The following AFF2 variants were observed in gnomAD, a reference collection of about 807,000 sequenced individuals.
The protein encoded by AFF2 is ALF transcription elongation factor 2.
AFF2 carries 14 observed loss-of-function variants against 76.9 expected under a neutral mutation model. The observed-to-expected ratio is 0.18, with a 90% CI of 0.12 to 0.28. The LOEUF (loss-of-function observed/expected upper bound fraction) is 0.28. Among genes scored for constraint, AFF2 ranks in the 10% least tolerant of loss-of-function variants. The pLI is 1.00. For synonymous variants in AFF2, 398 were observed against 366.7 expected, an observed-to-expected ratio of 1.09 and a Z score of -0.98; for missense variants, 868 against 1,001.1, an observed-to-expected ratio of 0.87 and a Z score of 1.79.
chrX:148,596,602 T>C (rs1468623881), intron 1 of AFF2, among the ~76,000 whole-genome samples: 3 of 112,295 alleles, frequency 2.7e-5, no homozygotes, highest in Non-Finnish European at 5.6e-5. Context: ...GCCTCACTTT[T>C]TAGTATTTCA....
chrX:148,716,891 A>T (rs181061055), intron 3 of AFF2, among the ~76,000 whole-genome samples: 1 of 111,804 alleles, frequency 8.9e-6, no homozygotes, highest in East Asian at 2.8e-4. Flanking sequence ...GCCCATGTGG[A>T]GGTTATATTT....
intron 13 of AFF2, among the ~76,000 whole-genome samples, chrX:148,966,221 C>T (rs150574197): frequency 3.2e-4 from 36 of 111,636 alleles, no homozygotes; most frequent in African/African-American, 1.1e-3. Flanking sequence ...AACAAAAGGG[C>T]GGCTTCAACC....
intron 3 of AFF2, among the ~76,000 whole-genome samples, chrX:148,711,954 C>A (rs1161042314): frequency 9.0e-6 from 1 of 111,711 alleles, no homozygotes; most frequent in Non-Finnish European, 1.9e-5. Flanking sequence ...TCACTCACTC[C>A]CTGCTTCATC....
chrX:148,812,640 C>T (rs7054715), intron 4 of AFF2, among the ~76,000 whole-genome samples: 6 of 111,099 alleles, frequency 5.4e-5, no homozygotes, highest in African/African-American at 2.0e-4. Context: ...TTTTTCCCTC[C>T]ACAGCCTGGC....
intron 1 of AFF2, among the ~76,000 whole-genome samples, chrX:148,595,884 A>T (rs1418052327): frequency 8.9e-6 from 1 of 111,868 alleles, no homozygotes; most frequent in Non-Finnish European, 1.9e-5. Flanking sequence ...ATAGCAATCC[A>T]GTGTGTTTTT....
intron 1 of AFF2, among the ~76,000 whole-genome samples, chrX:148,515,148 A>G (rs1337235927): frequency 1.8e-5 from 2 of 112,255 alleles, no homozygotes; most frequent in East Asian, 5.6e-4. Flanking sequence ...AAGGTAATAA[A>G]CAAATTGTTT....
intron 1 of AFF2, among the ~76,000 whole-genome samples, chrX:148,582,703 A>G (rs782076830): frequency 1.8e-4 from 20 of 112,158 alleles, no homozygotes; most frequent in Non-Finnish European, 3.2e-4. Context: ...AATGTTAAAC[A>G]TAGAGTTACC....
intron 1 of AFF2, among the ~76,000 whole-genome samples, chrX:148,521,027 C>T (rs1452372820): frequency 8.9e-6 from 1 of 111,878 alleles, no homozygotes; most frequent in Non-Finnish European, 1.9e-5. Context: ...ATTGCCAAGG[C>T]CAGGAAAGCC....
intron 1 of AFF2, among the ~76,000 whole-genome samples, chrX:148,600,356 T>C (rs1258670306): frequency 1.8e-5 from 2 of 111,641 alleles, no homozygotes; most frequent in African/African-American, 6.5e-5. Context: ...AGAAAAGGCA[T>C]TGCTCCTCTG....
chrX:148,789,351 C>T (rs1364561117), intron 3 of AFF2, among the ~76,000 whole-genome samples: 1 of 111,610 alleles, frequency 9.0e-6, no homozygotes, highest in Non-Finnish European at 1.9e-5. Context: ...AAATCTATGT[C>T]CCCTGAATTT....
intron 5 of AFF2, among the ~76,000 whole-genome samples, chrX:148,842,244 A>G (rs1247853282): frequency 3.6e-5 from 4 of 112,536 alleles, no homozygotes; most frequent in African/African-American, 1.3e-4. Context: ...AAGTTTTGTC[A>G]GTATCCACAC....
intron 1 of AFF2, among the ~76,000 whole-genome samples, chrX:148,534,825 G>A (rs1310787328): frequency 8.9e-6 from 1 of 111,837 alleles, no homozygotes; most frequent in Non-Finnish European, 1.9e-5. Context: ...AAACTTTATT[G>A]AATTGTCCTG....
rs782517150 is a variant in AFF2 at position 148,688,745 on chromosome X, T to A, written c.1041+25977T>A. Among the ~76,000 whole-genome samples the A allele has an allele frequency of 2.8e-5, 3 of 109,030 alleles. No homozygotes were observed. The South Asian group carries it at 1.1e-3, about 42-fold the overall frequency. 94.7% of individuals were successfully genotyped at this position (109,030 alleles called of 115,157 possible). On this transcript the variant is annotated intron_variant, in intron 3 of 20. Coordinates refer to ENST00000370460, the MANE Select transcript of AFF2 (RefSeq NM_002025.4). ...TTACACAAACCTAGATGGCATAGCA[T>A]ACCACACACCTAGGTTGTATGGCAT...
intron 8 of AFF2, among the ~76,000 whole-genome samples, chrX:148,895,007 C>T (rs917962662): frequency 7.2e-5 from 8 of 111,415 alleles, no homozygotes; most frequent in Admixed American, 1.9e-4. Context: ...AGTTCTTCCC[C>T]CTCCTGTGGA....
chrX:148,740,848 A>G (rs2055342122), intron 3 of AFF2, among the ~76,000 whole-genome samples: 1 of 111,686 alleles, frequency 9.0e-6, no homozygotes, highest in Non-Finnish European at 1.9e-5. Flanking sequence ...TGCTCCCTTG[A>G]TGTAGTACTC....
intron 1 of AFF2, among the ~76,000 whole-genome samples, chrX:148,541,181 G>GACTTT (rs1557237466): frequency 8.9e-6 from 1 of 112,258 alleles, no homozygotes; most frequent in Non-Finnish European, 1.9e-5. Flanking sequence ...TTGTAATAAA[G>GACTTT]AGCAGCTCAT....
At chrX:148,606,963 T>G (rs2053678447) in intron 1 of AFF2, among the ~76,000 whole-genome samples, 1 of 111,552 alleles carries the variant, frequency 9.0e-6, no homozygotes, top group Non-Finnish European at 1.9e-5. Context: ...TGAGCTTGTT[T>G]CTGGGCATTA....
chrX:148,960,244 G>A (rs1167997510), intron 12 of AFF2, among the ~76,000 whole-genome samples: 1 of 112,267 alleles, frequency 8.9e-6, no homozygotes, highest in East Asian at 2.8e-4. Flanking sequence ...CAGGTGGTGA[G>A]CTTCTCTGTG....
At chrX:148,849,665 T>A (rs1398461226) in intron 7 of AFF2, among the ~76,000 whole-genome samples, 3 of 111,352 alleles carry the variant, frequency 2.7e-5, no homozygotes, top group Non-Finnish European at 5.6e-5. Context: ...GCACTTCCCA[T>A]GCACTTTTTC....
Sources: allele counts gnomAD v4.1 joint callset (sites outside exome capture counted in the v4.1 genomes callset), GRCh38; gene constraint gnomAD v4.1.1; transcripts MANE v1.5; gene names NCBI Gene and HGNC (gene_info 2026-07-23, HGNC 2026-07-21).